The following SRBD1 variants were observed in gnomAD, a reference collection of about 807,000 sequenced individuals.
SRBD1 encodes S1 RNA binding domain 1.
In SRBD1, 88 loss-of-function variants were observed where a neutral mutation model predicts 115.3. The ratio of observed to expected loss-of-function variants is 0.76; its 90% CI spans 0.64 to 0.91. The LOEUF (loss-of-function observed/expected upper bound fraction) is 0.91, where lower values mean the gene tolerates loss of function less well. Ranked by LOEUF, SRBD1 falls within the 40% of genes least tolerant of loss-of-function variation. The probability of loss-of-function intolerance (pLI) is 0.00; values close to 1 mark genes in which losing one functional copy is unlikely to be tolerated. For missense variants in SRBD1, 1,385 were observed against 1,177.4 expected (o/e 1.18, Z -2.58); for synonymous variants, 509 against 407.7 (o/e 1.25, Z -2.99).
In SRBD1 at chr2:45,573,354, C is replaced by T. The variant is rs548546511; in HGVS notation, c.1170-12G>A. 3.5e-5 allele frequency: 55 copies of T among 1,594,032 alleles called. No homozygotes were observed. The highest frequency in any genetic ancestry group is 4.3e-5 in the Non-Finnish European group (51 of 1,173,870). On this transcript the variant is annotated splice_polypyrimidine_tract_variant and intron_variant, in intron 8 of 20. Transcript: ENST00000263736. ...GTCTCTTCTGGCACCTGTTCAGATA[C>T]ACAAGTGTTCAAAAAACAAGCAGTT... is the stretch of plus-strand genomic sequence containing the variant.
Position 45,389,301 on chromosome 2 carries a change from G to A in SRBD1, c.*9C>T, listed in dbSNP as rs760657597. ...AAAATAAAATCAGCGTCTGGCCTTCGTGGGATACTCATAACACCCGAATGA... is the reference window on the plus strand; with the variant it reads ...AAAATAAAATCAGCGTCTGGCCTTCATGGGATACTCATAACACCCGAATGA... On this transcript the variant is annotated 3_prime_UTR_variant, in exon 21 of 21. Transcript: ENST00000263736. 11 of 1,608,316 alleles carry A rather than the reference G, an allele frequency of 6.8e-6. No individual in the cohort carries two copies. The highest frequency in any genetic ancestry group is 1.7e-4 in the Middle Eastern group (1 of 6,042).
chr2:45,520,014 C>T (rs1010697506), intron 14 of SRBD1, among the ~76,000 whole-genome samples: 1 of 152,132 alleles, frequency 6.6e-6, no homozygotes, highest in African/African-American at 2.4e-5. Context: ...TAACCACTGC[C>T]CTGTACAAGT....
At chr2:45,514,692 C>T (rs944675119) in intron 14 of SRBD1, among the ~76,000 whole-genome samples, 1 of 152,104 alleles carries the variant, frequency 6.6e-6, no homozygotes, top group African/African-American at 2.4e-5. Context: ...TGTCTGAGTT[C>T]TTCTGGCTCT....
rs58100763 is a variant in SRBD1, at chr2:45,571,517, C to CAAAAAAAAAAAAAAAAAAAAAAAAAAAA, written c.1305+1689_1305+1690insTTTTTTTTTTTTTTTTTTTTTTTTTTTT. Among the ~76,000 whole-genome samples the CAAAAAAAAAAAAAAAAAAAAAAAAAAAA allele has an allele frequency of 7.4e-4, 29 of 39,402 alleles. 3 individuals are homozygous for CAAAAAAAAAAAAAAAAAAAAAAAAAAAA. Among genetic ancestry groups the CAAAAAAAAAAAAAAAAAAAAAAAAAAAA allele is most frequent in the East Asian group, 2.8e-3 (3 of 1,066 alleles). 25.8% of individuals were successfully genotyped at this position (39,402 alleles called of 152,430 possible). ...AAAATACAACATATCCAGACTTTAC[C>CAAAAAAAAAAAAAAAAAAAAAAAAAAAA]AAAAAAAAAAAAAAAAAAAAAAAAA... On this transcript the variant is annotated intron_variant, in intron 9 of 20. Coordinates refer to ENST00000263736, the MANE Select transcript of SRBD1 (RefSeq NM_018079.5).
At chr2:45,513,342 A>G (rs1437999615) in intron 14 of SRBD1, among the ~76,000 whole-genome samples, 1 of 151,592 alleles carries the variant, frequency 6.6e-6, no homozygotes, top group African/African-American at 2.4e-5. Context: ...AATATATGGT[A>G]TGTAGTCTAG....
chr2:45,479,892 A>G, intron 15 of SRBD1, among the ~76,000 whole-genome samples: 1 of 152,204 alleles, frequency 6.6e-6, no homozygotes, highest in Non-Finnish European at 1.5e-5. Flanking sequence ...TTAGAGGGGA[A>G]TGCAGCTGGT....
At chr2:45,510,386 C>T (rs571980654) in intron 14 of SRBD1, among the ~76,000 whole-genome samples, 1 of 152,292 alleles carries the variant, frequency 6.6e-6, no homozygotes, top group East Asian at 1.9e-4. Flanking sequence ...ACAATTCACA[C>T]ATTTTACACC....
chr2:45,587,200 T>A (rs1673575448), intron 4 of SRBD1, among the ~76,000 whole-genome samples: 1 of 139,630 alleles, frequency 7.2e-6, no homozygotes, highest in Non-Finnish European at 1.6e-5. Flanking sequence ...TTTAAATATT[T>A]AATTATTTTA....
At chr2:45,500,507 C>G (rs1387807696) in intron 14 of SRBD1, among the ~76,000 whole-genome samples, 3 of 151,882 alleles carry the variant, frequency 2.0e-5, no homozygotes, top group African/African-American at 7.3e-5. Flanking sequence ...ACTACAACCT[C>G]CACCTCCCAC....
chr2:45,470,502 G>A (rs1318955825), intron 16 of SRBD1, among the ~76,000 whole-genome samples: 5 of 152,166 alleles, frequency 3.3e-5, no homozygotes, highest in Admixed American at 6.5e-5. Context: ...AAAGAGCACT[G>A]TTCTGAGTCT....
intron 14 of SRBD1, among the ~76,000 whole-genome samples, chr2:45,525,657 A>T (rs1671417838): frequency 6.6e-6 from 1 of 152,044 alleles, no homozygotes; most frequent in Non-Finnish European, 1.5e-5. Flanking sequence ...TCATTACACA[A>T]TGTATATGTA....
intron 14 of SRBD1, among the ~76,000 whole-genome samples, chr2:45,538,308 C>T (rs553949241): frequency 1.4e-4 from 22 of 152,190 alleles, no homozygotes; most frequent in Non-Finnish European, 2.6e-4. Context: ...CTTCCTAAGA[C>T]CATGCTCTTT....
intron 14 of SRBD1, among the ~76,000 whole-genome samples, chr2:45,496,301 T>A (rs1670457304): frequency 6.6e-6 from 1 of 152,050 alleles, no homozygotes; most frequent in Non-Finnish European, 1.5e-5. Context: ...TTCTACTCCA[T>A]CATTATCTAA....
chr2:45,391,583 C>T (rs1290223980), intron 20 of SRBD1, among the ~76,000 whole-genome samples: 3 of 152,126 alleles, frequency 2.0e-5, no homozygotes, highest in Non-Finnish European at 4.4e-5. Flanking sequence ...AAAATTGTGA[C>T]TTACATTAGA....
chr2:45,587,792 GAGCTCTAGACTCATTT>G (rs1284073440), intron 4 of SRBD1, among the ~76,000 whole-genome samples: 2 of 152,112 alleles, frequency 1.3e-5, no homozygotes, highest in African/African-American at 4.8e-5. Flanking sequence ...TCTTTCACAT[GAGCTCTAGACTCATTT>G]AGCTAACTAT....
chr2:45,417,435 C>T (rs1667866319), intron 18 of SRBD1, among the ~76,000 whole-genome samples: 1 of 152,178 alleles, frequency 6.6e-6, no homozygotes, highest in Admixed American at 6.5e-5. Context: ...AGACCTTATT[C>T]TGTGCTATTC....
chr2:45,525,422 A>G (rs1185228225), intron 14 of SRBD1, among the ~76,000 whole-genome samples: 1 of 152,050 alleles, frequency 6.6e-6, no homozygotes, highest in Admixed American at 6.6e-5. Flanking sequence ...AGAACTATAA[A>G]GAACTCTTAC....
At chr2:45,533,374 G>T (rs1350549093) in intron 14 of SRBD1, among the ~76,000 whole-genome samples, 1 of 151,952 alleles carries the variant, frequency 6.6e-6, no homozygotes, top group Non-Finnish European at 1.5e-5. Context: ...AGTCCTAAAG[G>T]ATGGACACTA....
In SRBD1 at chr2:45,476,986, G is replaced by A; in HGVS notation, c.2049+7C>T. 6.2e-7 allele frequency: 1 copy of A among 1,612,714 alleles called. No homozygotes were observed. Among genetic ancestry groups the A allele is most frequent in the Non-Finnish European group, 8.5e-7 (1 of 1,179,178 alleles). On this transcript the variant is annotated splice_region_variant and intron_variant, in intron 16 of 20. Coordinates refer to ENST00000263736, the MANE Select transcript of SRBD1 (RefSeq NM_018079.5). ...TTTCATAAATTAAATGATCCACATA[G>A]CTTTACCTGATACATTCCAACTCCA...
Sources: gnomAD v4.1 joint callset for allele counts (sites outside exome capture counted in the v4.1 genomes callset) on GRCh38, gnomAD v4.1.1 for gene constraint, MANE v1.5 for transcripts, NCBI Gene and HGNC (gene_info 2026-07-23, HGNC 2026-07-21) for gene names.